Variants in RARRES1 observed in about 807,000 individuals in gnomAD.
The protein encoded by RARRES1 is retinoic acid receptor responder 1.
Under a neutral mutation model 30.6 loss-of-function variants are expected in RARRES1, and 34 were observed. That is an observed-to-expected ratio of 1.11 (90% CI 0.84 to 1.48). The LOEUF (loss-of-function observed/expected upper bound fraction) is 1.48. Among genes scored for constraint, RARRES1 ranks in the 40% most tolerant of loss-of-function variants. RARRES1 has a pLI of 0.00. For synonymous variants in RARRES1, 153 were observed against 155.5 expected (o/e 0.98, Z 0.12); for missense variants, 373 against 386.5 (o/e 0.97, Z 0.29).
At chr3:158,705,735 A>C (rs1237569224) in intron 3 of RARRES1, 3 of 152,228 alleles carry the variant, frequency 2.0e-5, no homozygotes, top group African/African-American at 7.2e-5. Context: ...GTGCTTCTCT[A>C]ATCATTGGCT....
At chr3:158,715,751 T>C (rs1348304859) in intron 1 of RARRES1, among the ~76,000 whole-genome samples, 1 of 152,224 alleles carries the variant, frequency 6.6e-6, no homozygotes, top group Non-Finnish European at 1.5e-5. Flanking sequence ...CCATCAGGGT[T>C]ACTCCTGAAA....
chr3:158,730,280 G>A (rs1727829027), intron 1 of RARRES1, among the ~76,000 whole-genome samples: 2 of 144,260 alleles, frequency 1.4e-5, no homozygotes, highest in East Asian at 2.1e-4. Context: ...AGATCGCAGC[G>A]CTGCACTCCA....
At chr3:158,711,698 C>T (rs576708493) in intron 2 of RARRES1, among the ~76,000 whole-genome samples, 2 of 150,820 alleles carry the variant, frequency 1.3e-5, no homozygotes, top group African/African-American at 4.9e-5. Flanking sequence ...TGGGTTCACG[C>T]GATTCTCCTG....
chr3:158,730,365 C>CTCCTTCCTGCCT (rs1727835393), intron 1 of RARRES1, among the ~76,000 whole-genome samples: 1 of 120,240 alleles, frequency 8.3e-6, no homozygotes, highest in African/African-American at 3.1e-5. Context: ...GAATAGGTTG[C>CTCCTTCCTGCCT]TCCTTCCTTC....
Position 158,697,016 on chromosome 3 carries a change from A to C in RARRES1, c.*662T>G, listed in dbSNP as rs1726567831. 6.6e-6 allele frequency: 1 copy of C among 152,238 alleles called. No homozygotes were observed. Among genetic ancestry groups the C allele is most frequent in the Non-Finnish European group, 1.5e-5 (1 of 68,036 alleles). 9.4% of individuals were successfully genotyped at this position (152,238 alleles called of 1,614,324 possible). A position where few individuals can be genotyped will look rare whatever the true frequency, so the allele number is the denominator to read the frequency against. On this transcript the variant is annotated 3_prime_UTR_variant, in exon 6 of 6. Transcript: ENST00000237696. Reference sequence around the variant, plus strand: ...GACGTTCTATTATTTGTAAAATTTAAGTTAAGCAATATTACCATTTCATTT... The same window carrying C: ...GACGTTCTATTATTTGTAAAATTTACGTTAAGCAATATTACCATTTCATTT...
intron 1 of RARRES1, among the ~76,000 whole-genome samples, chr3:158,721,286 A>G (rs1727503516): frequency 6.6e-6 from 1 of 152,180 alleles, no homozygotes; most frequent in Non-Finnish European, 1.5e-5. Flanking sequence ...CAGGGACTTC[A>G]TTCTAGAGCA....
Position 158,704,210 on chromosome 3 carries a change from CTTTTTTTTTT to C in RARRES1, c.672+571_672+580del, listed in dbSNP as rs78169321. Among the ~76,000 whole-genome samples, 463 of 82,782 alleles carry C rather than the reference CTTTTTTTTTT, an allele frequency of 5.6e-3. 3 individuals carry two copies. Among genetic ancestry groups the C allele is most frequent in the Middle Eastern group, 9.3e-3 (1 of 108 alleles). 54.3% of individuals were successfully genotyped at this position (82,782 alleles called of 152,430 possible). A position where few individuals can be genotyped will look rare whatever the true frequency, so the allele number is the denominator to read the frequency against. ...AGGCCTTGCCTAGAATATTGCAATA[CTTTTTTTTTT>C]TTTTTTTTTTTTTTTTTTTTTTTTG... On this transcript the variant is annotated intron_variant, in intron 4 of 5. Transcript: ENST00000237696.
intron 1 of RARRES1, among the ~76,000 whole-genome samples, chr3:158,720,846 C>T (rs1322895731): frequency 1.3e-5 from 2 of 152,128 alleles, no homozygotes; most frequent in Non-Finnish European, 2.9e-5. Context: ...GATTTAGGGC[C>T]CATTCTAATC....
Position 158,697,743 on chromosome 3 carries a change from G to T in RARRES1, c.820C>A (p.Pro274Thr), listed in dbSNP as rs1375217944. 6.2e-7 allele frequency: 1 copy of T among 1,612,354 alleles called. No individual in the cohort carries two copies. The highest frequency in any genetic ancestry group is 1.3e-5 in the African/African-American group (1 of 74,846). ...VKYHCQELQT[P>T]EEASGTEEGS... ...TCTTCAGTTCCGGAGGCTTCTTCTG[G>T]TGTCTGTAGCTCTTGACAGTGGTAC... The change falls in exon 6 of 6, where the codon CCA becomes ACA. Residue 274 changes from proline to threonine, a missense_variant. Coordinates refer to ENST00000237696, the MANE Select transcript of RARRES1 (RefSeq NM_206963.2).
At chr3:158,708,624 G>A (rs1322123675) in intron 3 of RARRES1, among the ~76,000 whole-genome samples, 2 of 151,904 alleles carry the variant, frequency 1.3e-5, no homozygotes, top group Non-Finnish European at 2.9e-5. Context: ...TACTACAACA[G>A]TCCAATGCCT....
intron 1 of RARRES1, among the ~76,000 whole-genome samples, chr3:158,722,664 C>T (rs746826157): frequency 3.3e-5 from 5 of 151,982 alleles, no homozygotes; most frequent in African/African-American, 9.7e-5. Flanking sequence ...GGGCGGATCA[C>T]GAGGTCAGGA....
rs779301244 is a variant in RARRES1, at chr3:158,697,700, G to A, written c.863C>T (p.Pro288Leu). ...SGTEEGSAVV[P>L]TELSNF Reference sequence around the variant, plus strand: ...TTTTTAGAAATTACTAAGCTCTGTTGGTACTACAGCTGATCCTTCTTCAGT... The same window carrying A: ...TTTTTAGAAATTACTAAGCTCTGTTAGTACTACAGCTGATCCTTCTTCAGT... The change falls in exon 6 of 6, where the codon CCA becomes CTA. Residue 288 changes from proline to leucine, a missense_variant. Pro to Leu is a moderately conservative substitution (Grantham distance 98). Coordinates refer to ENST00000237696, the MANE Select transcript of RARRES1 (RefSeq NM_206963.2). 2.1e-5 allele frequency: 34 copies of A among 1,612,740 alleles called. No homozygotes were observed. In the East Asian group the frequency reaches 7.1e-4, roughly 34 times the overall value.
intron 1 of RARRES1, among the ~76,000 whole-genome samples, chr3:158,729,943 G>T (rs111794463): frequency 0.015 from 2,264 of 152,252 alleles, 43 homozygotes; most frequent in African/African-American, 0.053. Context: ...TTGATAGAAA[G>T]TTCTCAAGGT....
chr3:158,705,071 TTGTATC>T lies in RARRES1; in HGVS notation c.536-150_536-145del, dbSNP rs1170819443. The stretch of plus-strand genomic sequence containing the variant: ...ACCTTGAGCCATATATGTGATTTGT[TTGTATC>T]TGTTTCTATGTTAGTATGTAGATTT... On this transcript the variant is annotated intron_variant, in intron 3 of 5. Coordinates refer to ENST00000237696, the MANE Select transcript of RARRES1 (RefSeq NM_206963.2). 4.5e-6 allele frequency: 5 copies of T among 1,121,804 alleles called. No individual in the cohort carries two copies. The African/African-American group carries it at 4.7e-5, about 11-fold the overall frequency. 69.5% of individuals were successfully genotyped at this position (1,121,804 alleles called of 1,614,324 possible).
At chr3:158,708,606 A>T (rs971776820) in intron 3 of RARRES1, among the ~76,000 whole-genome samples, 2 of 152,232 alleles carry the variant, frequency 1.3e-5, no homozygotes, top group East Asian at 3.8e-4. Flanking sequence ...CTTCTCACTT[A>T]CCCATTGTAC....
chr3:158,719,599 A>G (rs61794797), intron 1 of RARRES1, among the ~76,000 whole-genome samples: 77,952 of 151,824 alleles, frequency 0.51, 20,061 homozygotes, highest in Middle Eastern at 0.6. Flanking sequence ...TATTTTATAG[A>G]TGATTTTTGG....
intron 1 of RARRES1, among the ~76,000 whole-genome samples, chr3:158,728,522 T>TTTTTC (rs1727766500): frequency 6.8e-6 from 1 of 146,854 alleles, no homozygotes; most frequent in African/African-American, 2.5e-5. Flanking sequence ...CTTTCTTTTT[T>TTTTTC]TTTTTTTTTT....
intron 1 of RARRES1, among the ~76,000 whole-genome samples, chr3:158,725,409 G>T (rs1166102374): frequency 6.6e-6 from 1 of 152,224 alleles, no homozygotes. Context: ...GCCTCACAAT[G>T]TCAGTCGTTG....
chr3:158,697,139 T>C lies in RARRES1; in HGVS notation c.*539A>G, dbSNP rs1196651309. On this transcript the variant is annotated 3_prime_UTR_variant, in exon 6 of 6. Transcript: ENST00000237696. The stretch of plus-strand genomic sequence containing the variant: ...AGAAATGTAAACATTTATTTAAAAG[T>C]AGGTAGCAAGTTAAAAATGAATACT... 3 of 152,202 alleles carry C rather than the reference T, an allele frequency of 2.0e-5. No homozygotes were observed. The highest frequency in any genetic ancestry group is 2.9e-5 in the Non-Finnish European group (2 of 68,048). 9.4% of individuals were successfully genotyped at this position (152,202 alleles called of 1,614,324 possible). A position where few individuals can be genotyped will look rare whatever the true frequency, so the allele number is the denominator to read the frequency against.
Sources: allele counts gnomAD v4.1 joint callset (sites outside exome capture counted in the v4.1 genomes callset), GRCh38; gene constraint gnomAD v4.1.1; transcripts MANE v1.5; gene names NCBI Gene and HGNC (gene_info 2026-07-23, HGNC 2026-07-21).